The following ZNRF1 variants were observed in gnomAD, a reference collection of about 807,000 sequenced individuals.
ZNRF1 encodes E3 ubiquitin-protein ligase ZNRF1.
ZNRF1 carries 3 observed loss-of-function variants against 18.4 expected under a neutral mutation model. The observed-to-expected ratio is 0.16, with a 90% CI of 0.07 to 0.42. The LOEUF (loss-of-function observed/expected upper bound fraction) is 0.42, where lower values mean the gene tolerates loss of function less well. ZNRF1 is among the 10% of genes least tolerant of loss of function. The probability of loss-of-function intolerance (pLI) is 0.99; values close to 1 mark genes in which losing one functional copy is unlikely to be tolerated. For missense variants in ZNRF1, 310 were observed against 329.8 expected, an observed-to-expected ratio of 0.94 and a Z score of 0.47; for synonymous variants, 157 against 144.2, an observed-to-expected ratio of 1.09 and a Z score of -0.64.
chr16:75,030,347 A>G (rs574978305), intron 1 of ZNRF1, among the ~76,000 whole-genome samples: 6 of 152,186 alleles, frequency 3.9e-5, no homozygotes, highest in African/African-American at 1.4e-4. Flanking sequence ...TTGGACCCCT[A>G]CCTCACACCA....
At chr16:75,101,197 A>G (rs1286014184) in intron 2 of ZNRF1, among the ~76,000 whole-genome samples, 2 of 152,222 alleles carry the variant, frequency 1.3e-5, no homozygotes, top group African/African-American at 4.8e-5. Flanking sequence ...GCCTCCCAGA[A>G]TGCTGGAATT....
chr16:75,104,962 T>C, intron 3 of ZNRF1, 73 bp downstream of exon 3: 2 of 1,286,236 alleles, frequency 1.6e-6, no homozygotes, highest in Non-Finnish European at 2.2e-6. Flanking sequence ...CCAGCCATTC[T>C]GTCTCCTTTG....
At chr16:75,016,403 T>C (rs1442634861) in intron 1 of ZNRF1, among the ~76,000 whole-genome samples, 2 of 151,428 alleles carry the variant, frequency 1.3e-5, no homozygotes, top group Non-Finnish European at 2.9e-5. Context: ...CACACCCTAC[T>C]AATTTTCTGT....
At chr16:75,017,600 G>A (rs1434573648) in intron 1 of ZNRF1, among the ~76,000 whole-genome samples, 3 of 152,198 alleles carry the variant, frequency 2.0e-5, no homozygotes, top group Non-Finnish European at 2.9e-5. Context: ...GAATTGGAGA[G>A]CCATGTGATC....
intron 1 of ZNRF1, among the ~76,000 whole-genome samples, chr16:75,040,203 C>T (rs2035426875): frequency 6.6e-6 from 1 of 151,870 alleles, no homozygotes; most frequent in Non-Finnish European, 1.5e-5. Context: ...CACCACCACG[C>T]ATGGCTTAAA....
At chr16:75,053,849 C>T (rs1567479926) in intron 1 of ZNRF1, among the ~76,000 whole-genome samples, 1 of 152,160 alleles carries the variant, frequency 6.6e-6, no homozygotes, top group South Asian at 2.1e-4. Flanking sequence ...AGGGTATTCC[C>T]AGGTTGTTCC....
At chr16:75,059,242 T>C (rs534356222) in intron 1 of ZNRF1, among the ~76,000 whole-genome samples, 169 of 98,354 alleles carry the variant, frequency 1.7e-3, no homozygotes, top group Middle Eastern at 0.014. Flanking sequence ...TTTTTTTTTT[T>C]TTCTTTTTTT....
At chr16:75,034,027 G>A (rs1357044248) in intron 1 of ZNRF1, among the ~76,000 whole-genome samples, 4 of 151,674 alleles carry the variant, frequency 2.6e-5, no homozygotes, top group Non-Finnish European at 4.4e-5. Context: ...GTGTGTTGGT[G>A]CACACCTGTA....
intron 2 of ZNRF1, chr16:75,095,646 T>C (rs2036189229): frequency 6.5e-7 from 1 of 1,550,132 alleles, no homozygotes; most frequent in Non-Finnish European, 8.7e-7. Flanking sequence ...AAAACCTGGC[T>C]CTCAGGAAGA....
intron 1 of ZNRF1, among the ~76,000 whole-genome samples, chr16:75,086,584 G>T (rs2036076607): frequency 6.6e-6 from 1 of 152,156 alleles, no homozygotes; most frequent in Non-Finnish European, 1.5e-5. Flanking sequence ...GATACCTACA[G>T]CTTAGAAATG....
At chr16:75,076,944 A>T (rs1417947120) in intron 1 of ZNRF1, among the ~76,000 whole-genome samples, 1 of 151,954 alleles carries the variant, frequency 6.6e-6, no homozygotes, top group East Asian at 2.0e-4. Flanking sequence ...CAGCACCTTG[A>T]TCTTGGGCTT....
rs143205182 is a variant in ZNRF1 at position 75,057,661 on chromosome 16, A to C, written c.425-35911A>C. ...TATTTTTCATTTTTATTTTTTTGAG[A>C]GTCTCACTCTGTCACCCCAGCTGGA... is the stretch of plus-strand genomic sequence containing the variant. On this transcript the variant is annotated intron_variant, in intron 1 of 4. Coordinates refer to ENST00000335325, the MANE Select transcript of ZNRF1 (RefSeq NM_032268.5). 1.3e-3 allele frequency among the ~76,000 whole-genome samples: 192 copies of C among 152,112 alleles called. No individual in the cohort carries two copies. The East Asian group carries it at 0.027, about 22-fold the overall frequency.
intron 2 of ZNRF1, among the ~76,000 whole-genome samples, chr16:75,097,009 A>ACC (rs1203974659): frequency 6.6e-6 from 1 of 151,448 alleles, no homozygotes; most frequent in African/African-American, 2.4e-5. Context: ...CGAATGTTAA[A>ACC]CCCCCTGTCC....
intron 1 of ZNRF1, among the ~76,000 whole-genome samples, chr16:75,019,240 G>A (rs2035112258): frequency 6.6e-6 from 1 of 151,294 alleles, no homozygotes; most frequent in African/African-American, 2.4e-5. Context: ...AGAGACTACT[G>A]TGTTGCTCAG....
intron 1 of ZNRF1, among the ~76,000 whole-genome samples, chr16:75,058,106 CT>C (rs35226969): frequency 0.67 from 94,306 of 140,114 alleles, 31,615 homozygotes; most frequent in East Asian, 0.73. Context: ...CTTTCCTTTT[CT>C]TTTTTTTTTT....
At chr16:75,053,639 T>C (rs1247164280) in intron 1 of ZNRF1, among the ~76,000 whole-genome samples, 1 of 149,522 alleles carries the variant, frequency 6.7e-6, no homozygotes. Flanking sequence ...GCTGTCACTA[T>C]CAGGGGCTAT....
At chr16:75,039,824 TAC>T (rs1452135727) in intron 1 of ZNRF1, among the ~76,000 whole-genome samples, 1 of 152,182 alleles carries the variant, frequency 6.6e-6, no homozygotes, top group Non-Finnish European at 1.5e-5. Context: ...GCCAGAAAAC[TAC>T]AGTTCTACCA....
intron 1 of ZNRF1, among the ~76,000 whole-genome samples, chr16:75,066,518 T>C (rs972881594): frequency 6.6e-6 from 1 of 152,236 alleles, no homozygotes; most frequent in Non-Finnish European, 1.5e-5. Flanking sequence ...ATGGAAGATT[T>C]TTTTGAGACA....
chr16:75,059,241 T>TTTC (rs1567481763), intron 1 of ZNRF1, among the ~76,000 whole-genome samples: 6 of 112,162 alleles, frequency 5.3e-5, no homozygotes, highest in African/African-American at 1.2e-4. Flanking sequence ...TTTTTTTTTT[T>TTTC]TTTCTTTTTT....
Sources: allele counts gnomAD v4.1 joint callset (sites outside exome capture counted in the v4.1 genomes callset), GRCh38; gene constraint gnomAD v4.1.1; transcripts MANE v1.5; gene names NCBI Gene and HGNC (gene_info 2026-07-23, HGNC 2026-07-21).